The following PPP1R2 variants were observed in gnomAD, a reference collection of about 807,000 sequenced individuals.
The protein encoded by PPP1R2 is protein phosphatase 1 regulatory inhibitor subunit 2, also known as protein phosphatase inhibitor 2.
Under a neutral mutation model 29.9 loss-of-function variants are expected in PPP1R2, and 16 were observed. That is an observed-to-expected ratio of 0.53 (90% CI 0.36 to 0.81). PPP1R2 has a LOEUF of 0.81. PPP1R2 is among the 30% of genes least tolerant of loss of function. The pLI is 0.00. For missense variants in PPP1R2, 197 were observed against 252.7 expected (o/e 0.78, Z 1.49); for synonymous variants, 76 against 91.5 (o/e 0.83, Z 0.96).
chr3:195,519,412 A>C, intron 4 of PPP1R2: 2 of 429,686 alleles, frequency 4.7e-6, no homozygotes, highest in South Asian at 4.6e-5. Context: ...AAGAACAAGA[A>C]TATATCCAGC....
At chr3:195,533,494 G>GT (rs1719263423) in intron 1 of PPP1R2, among the ~76,000 whole-genome samples, 1 of 152,132 alleles carries the variant, frequency 6.6e-6, no homozygotes, top group South Asian at 2.1e-4. Flanking sequence ...TAAACCTTGA[G>GT]TAACACCATG....
At chr3:195,518,962 T>C (rs1170471963) in intron 5 of PPP1R2, 56 bp downstream of exon 5, 21 of 1,576,866 alleles carry the variant, frequency 1.3e-5, no homozygotes, top group Non-Finnish European at 1.8e-5. Context: ...ATAAAGTACA[T>C]TATCTTAGGC....
At chr3:195,520,797 A>C (rs1158979110) in intron 4 of PPP1R2, among the ~76,000 whole-genome samples, 1 of 151,724 alleles carries the variant, frequency 6.6e-6, no homozygotes, top group Non-Finnish European at 1.5e-5. Context: ...GGAACTACAG[A>C]TGCGTGCCAC....
intron 1 of PPP1R2, among the ~76,000 whole-genome samples, chr3:195,532,742 T>C (rs555641546): frequency 6.6e-6 from 1 of 152,252 alleles, no homozygotes; most frequent in African/African-American, 2.4e-5. Context: ...TTTGGAGGCT[T>C]GTGACAATTT....
intron 1 of PPP1R2, among the ~76,000 whole-genome samples, chr3:195,536,769 CAA>C (rs1719401719): frequency 9.8e-6 from 1 of 101,616 alleles, no homozygotes; most frequent in Non-Finnish European, 1.8e-5. Context: ...GCCTGGGCGA[CAA>C]GAGCGAAACT....
chr3:195,518,923 T>G lies in PPP1R2; in HGVS notation c.571+95A>C, dbSNP rs150949732. The G allele has an allele frequency of 5.4e-5, 82 of 1,532,412 alleles. No individual in the cohort carries two copies. The African/African-American group carries it at 1.1e-3, about 21-fold the overall frequency. The allele number at this position is 1,532,412 out of a possible 1,614,324, so 94.9% of individuals were successfully genotyped here. A position where few individuals can be genotyped will look rare whatever the true frequency, so the allele number is the denominator to read the frequency against. ...ATAATAAAGCGAATCTCAGCAAAATTTTCTGTTTTTTCACAAGTTTAAAGC... is the reference window on the plus strand; with the variant it reads ...ATAATAAAGCGAATCTCAGCAAAATGTTCTGTTTTTTCACAAGTTTAAAGC... On this transcript the variant is annotated intron_variant, in intron 5 of 5. Transcript: ENST00000618156.
Position 195,516,843 on chromosome 3 carries a change from A to C in PPP1R2, c.*53T>G, listed in dbSNP as rs1718564155. 3 of 1,496,422 alleles carry C rather than the reference A, an allele frequency of 2.0e-6. No homozygotes were observed. Among genetic ancestry groups the C allele is most frequent in the Middle Eastern group, 1.7e-4 (1 of 5,832 alleles). The allele number at this position is 1,496,422 out of a possible 1,614,324, so 92.7% of individuals were successfully genotyped here. On this transcript the variant is annotated 3_prime_UTR_variant, in exon 6 of 6. Coordinates refer to ENST00000618156, the MANE Select transcript of PPP1R2 (RefSeq NM_006241.8). ...TGTGAAGAACAAGAAGCAACGTACT[A>C]TAGTCACAGGGTTTACATCTAACAA...
chr3:195,526,068 G>A (rs1453756801), intron 2 of PPP1R2, among the ~76,000 whole-genome samples: 1 of 150,546 alleles, frequency 6.6e-6, no homozygotes, highest in African/African-American at 2.5e-5. Flanking sequence ...AATAAGACAT[G>A]ATGTTTCTAT....
At chr3:195,521,245 G>A (rs534534734) in intron 4 of PPP1R2, among the ~76,000 whole-genome samples, 7 of 148,416 alleles carry the variant, frequency 4.7e-5, no homozygotes, top group Non-Finnish European at 8.9e-5. Context: ...AACCTGGGAG[G>A]TGGAGGTTGC....
intron 1 of PPP1R2, among the ~76,000 whole-genome samples, chr3:195,536,056 GTATTA>G (rs1360416512): frequency 5.9e-5 from 9 of 152,068 alleles, no homozygotes; most frequent in Admixed American, 1.3e-4. Context: ...CTAGCTTACT[GTATTA>G]TAAGAACGCA....
intron 1 of PPP1R2, among the ~76,000 whole-genome samples, chr3:195,535,206 T>C (rs913991511): frequency 6.6e-6 from 1 of 152,204 alleles, no homozygotes; most frequent in Non-Finnish European, 1.5e-5. Context: ...AGCCCGCGCA[T>C]GCACAGTTCA....
intron 1 of PPP1R2, among the ~76,000 whole-genome samples, chr3:195,539,600 T>TGA (rs1719516689): frequency 6.6e-6 from 1 of 152,116 alleles, no homozygotes; most frequent in Non-Finnish European, 1.5e-5. Flanking sequence ...GACAATCATT[T>TGA]GAGAGCAGGA....
intron 4 of PPP1R2, among the ~76,000 whole-genome samples, chr3:195,521,658 T>G (rs1394169574): frequency 6.6e-6 from 1 of 152,136 alleles, no homozygotes; most frequent in Non-Finnish European, 1.5e-5. Context: ...ATGTACTTAT[T>G]TATTTTTTTA....
intron 5 of PPP1R2, among the ~76,000 whole-genome samples, chr3:195,517,627 T>A (rs1209715770): frequency 6.6e-6 from 1 of 152,120 alleles, no homozygotes; most frequent in East Asian, 1.9e-4. Context: ...ATGTGAAATG[T>A]AATATCTTAT....
rs1237450242 is a variant in PPP1R2, at chr3:195,516,195, AAAACAAAAAC to A, written c.*691_*700del. On this transcript the variant is annotated 3_prime_UTR_variant, in exon 6 of 6. Coordinates refer to ENST00000618156, the MANE Select transcript of PPP1R2 (RefSeq NM_006241.8). ...CTGCCCAGTGTACCAAAAACATTAA[AAAACAAAAAC>A]AAACAAAAACCCCCCAAAAACAAAA... 3.3e-5 allele frequency: 5 copies of A among 152,594 alleles called. No individual in the cohort carries two copies. The highest frequency in any genetic ancestry group is 9.6e-5 in the African/African-American group (4 of 41,466). 9.5% of individuals were successfully genotyped at this position (152,594 alleles called of 1,614,324 possible). A position where few individuals can be genotyped will look rare whatever the true frequency, so the allele number is the denominator to read the frequency against.
chr3:195,528,859 G>C (rs887041276), intron 2 of PPP1R2: 1 of 151,700 alleles, frequency 6.6e-6, no homozygotes, highest in African/African-American at 2.5e-5. Flanking sequence ...GCCCAGCCAA[G>C]GTATTATCTT....
Position 195,520,562 on chromosome 3 carries a change from C to T in PPP1R2, c.404-1377G>A, listed in dbSNP as rs928084767. 6.6e-5 allele frequency among the ~76,000 whole-genome samples: 10 copies of T among 152,108 alleles called. 1 individual carries two copies. The highest frequency in any genetic ancestry group is 2.4e-4 in the African/African-American group (10 of 41,430). Reference sequence around the variant, plus strand: ...AGAAGGCTGAAACTGCAGTGAGCCGCGACTATGCCACTGCACTCCAGCCTG... The same window carrying T: ...AGAAGGCTGAAACTGCAGTGAGCCGTGACTATGCCACTGCACTCCAGCCTG... On this transcript the variant is annotated intron_variant, in intron 4 of 5. Transcript: ENST00000618156.
At position 195,542,880 on chromosome 3, in the gene PPP1R2, CA is replaced by C. The variant is rs776289146; in HGVS notation, c.122+23del. The C allele has an allele frequency of 1.0e-5, 16 of 1,587,762 alleles. No individual in the cohort carries two copies. In the African/African-American group the frequency reaches 2.2e-4, roughly 22 times the overall value. ...GGGCCCGGCGGGAAGGAGGGGCTCC[CA>C]GGCCGTCCCTCCCAGCGCTCACCTC... On this transcript the variant is annotated intron_variant, in intron 1 of 5. Coordinates refer to ENST00000618156, the MANE Select transcript of PPP1R2 (RefSeq NM_006241.8).
At chr3:195,523,082 C>T (rs1162269170) in intron 4 of PPP1R2, 3 of 152,658 alleles carry the variant, frequency 2.0e-5, no homozygotes, top group East Asian at 3.8e-4. Flanking sequence ...CCAGCCTCCA[C>T]GGGTAACCAC....
Sources: allele counts gnomAD v4.1 joint callset (sites outside exome capture counted in the v4.1 genomes callset), GRCh38; gene constraint gnomAD v4.1.1; transcripts MANE v1.5; gene names NCBI Gene and HGNC (gene_info 2026-07-23, HGNC 2026-07-21).